The following PTPRD variants were observed in gnomAD, a reference collection of about 807,000 sequenced individuals.
PTPRD encodes receptor-type tyrosine-protein phosphatase delta.
Under a neutral mutation model 214.5 loss-of-function variants are expected in PTPRD, and 34 were observed. That is an observed-to-expected ratio of 0.16 (90% confidence interval 0.12 to 0.21). The LOEUF (loss-of-function observed/expected upper bound fraction) is 0.21. Ranked by LOEUF, PTPRD falls within the 10% of genes least tolerant of loss-of-function variation. PTPRD has a pLI of 1.00. For synonymous variants in PTPRD, 1,128 were observed against 845.7 expected, an observed-to-expected ratio of 1.33 and a Z score of -5.79; for missense variants, 2,545 against 2,398.7, an observed-to-expected ratio of 1.06 and a Z score of -1.27.
At chr9:8,321,825 G>A (rs929935030) in intron 44 of PTPRD, among the ~76,000 whole-genome samples, 4 of 151,746 alleles carry the variant, frequency 2.6e-5, no homozygotes, top group African/African-American at 4.8e-5. Flanking sequence ...CTGTTTTATT[G>A]TGCTATACTT....
At chr9:10,150,895 T>A (rs1233592825) in intron 3 of PTPRD, among the ~76,000 whole-genome samples, 1 of 151,988 alleles carries the variant, frequency 6.6e-6, no homozygotes, top group Non-Finnish European at 1.5e-5. Context: ...CCCCAAATTC[T>A]CTTAAAAATT....
chr9:8,610,374 A>T (rs2095404426), intron 14 of PTPRD, among the ~76,000 whole-genome samples: 1 of 152,198 alleles, frequency 6.6e-6, no homozygotes, highest in South Asian at 2.1e-4. Flanking sequence ...GAGGCACTGG[A>T]AAGCCTAGGG....
chr9:10,399,754 G>A (rs899697845), intron 2 of PTPRD, among the ~76,000 whole-genome samples: 1 of 151,840 alleles, frequency 6.6e-6, no homozygotes, highest in East Asian at 1.9e-4. Flanking sequence ...AGATATTCTA[G>A]GCAGTGAGAA....
chr9:8,984,440 T>A (rs944510422), intron 11 of PTPRD, among the ~76,000 whole-genome samples: 1 of 152,096 alleles, frequency 6.6e-6, no homozygotes, highest in African/African-American at 2.4e-5. Flanking sequence ...TATAAAAAAA[T>A]TTAAATTATT....
At chr9:10,063,326 A>C (rs111496741) in intron 3 of PTPRD, among the ~76,000 whole-genome samples, 1 of 152,088 alleles carries the variant, frequency 6.6e-6, no homozygotes, top group African/African-American at 2.4e-5. Context: ...TTTCTTAAGA[A>C]ATAAATGTCC....
rs141717614 is a variant in PTPRD at position 10,253,066 on chromosome 9, A to G, written c.-545+87897T>C. On this transcript the variant is annotated intron_variant, in intron 3 of 45. Transcript: ENST00000381196. ...CCCAAATGCTGGGATTAGAGGTATG[A>G]GCCACTGTGCCTGGCCACGTATTTT... 3.4e-3 allele frequency among the ~76,000 whole-genome samples: 511 copies of G among 152,264 alleles called. 3 individuals are homozygous for G. Among genetic ancestry groups the G allele is most frequent in the African/African-American group, 0.012 (491 of 41,558 alleles).
chr9:10,100,348 G>T (rs565773602), intron 3 of PTPRD, among the ~76,000 whole-genome samples: 117 of 151,734 alleles, frequency 7.7e-4, no homozygotes, highest in Middle Eastern at 3.4e-3. Context: ...TCCATCCCAA[G>T]TTCAAATGGG....
intron 32 of PTPRD, among the ~76,000 whole-genome samples, chr9:8,464,671 G>A (rs1029876863): frequency 6.6e-6 from 1 of 150,512 alleles, no homozygotes; most frequent in African/African-American, 2.4e-5. Context: ...CATGTGTACT[G>A]CCACTTCAAA....
At chr9:9,634,520 A>C (rs961422097) in intron 7 of PTPRD, among the ~76,000 whole-genome samples, 5 of 152,170 alleles carry the variant, frequency 3.3e-5, no homozygotes, top group African/African-American at 4.8e-5. Flanking sequence ...TGATTATTTA[A>C]AATTCACATA....
chr9:10,482,664 C>G (rs928535426), intron 2 of PTPRD, among the ~76,000 whole-genome samples: 2 of 152,156 alleles, frequency 1.3e-5, no homozygotes, highest in South Asian at 2.1e-4. Context: ...CTGTTATACA[C>G]CAACAATGAC....
intron 10 of PTPRD, among the ~76,000 whole-genome samples, chr9:9,173,356 G>A (rs1292573294): frequency 3.3e-5 from 5 of 152,168 alleles, no homozygotes; most frequent in African/African-American, 1.2e-4. Context: ...CTGTGTAGCT[G>A]GGTGTCTATT....
Position 9,016,198 on chromosome 9 carries a change from T to C in PTPRD, c.-104+2499A>G, listed in dbSNP as rs549907779. On this transcript the variant is annotated intron_variant, in intron 11 of 45. Transcript: ENST00000381196. ...ATTGCTTTTCCTCTCCCTCAAACAT[T>C]TGTCTTTTATATTAGATGTTTTCTC... is the stretch of plus-strand genomic sequence containing the variant. Among the ~76,000 whole-genome samples the C allele has an allele frequency of 3.3e-5, 5 of 152,214 alleles. No individual in the cohort carries two copies. In the South Asian group the frequency reaches 1.0e-3, roughly 32 times the overall value.
intron 11 of PTPRD, among the ~76,000 whole-genome samples, chr9:8,903,367 T>C (rs927003498): frequency 6.6e-6 from 1 of 152,164 alleles, no homozygotes; most frequent in Admixed American, 6.5e-5. Flanking sequence ...CCATGATTGG[T>C]AGAAAAAGTG....
At chr9:8,428,480 C>A (rs1360629577) in intron 35 of PTPRD, among the ~76,000 whole-genome samples, 1 of 152,090 alleles carries the variant, frequency 6.6e-6, no homozygotes. Flanking sequence ...AATCTTTTAT[C>A]TCTTGTGACT....
intron 13 of PTPRD, among the ~76,000 whole-genome samples, chr9:8,634,240 TAAAA>T (rs59879265): frequency 3.5e-5 from 5 of 144,386 alleles, no homozygotes; most frequent in Admixed American, 2.8e-4. Flanking sequence ...AAGTACCACT[TAAAA>T]AAAAAAAAGA....
At chr9:8,566,200 T>G (rs1453587469) in intron 14 of PTPRD, among the ~76,000 whole-genome samples, 2 of 151,508 alleles carry the variant, frequency 1.3e-5, no homozygotes, top group African/African-American at 4.8e-5. Flanking sequence ...TTTTTTAAGC[T>G]ACTGTTAGAA....
At chr9:9,872,511 G>A (rs2153716308) in intron 5 of PTPRD, among the ~76,000 whole-genome samples, 1 of 152,182 alleles carries the variant, frequency 6.6e-6, no homozygotes, top group East Asian at 1.9e-4. Context: ...TGAGGTGGGA[G>A]GATTGCTTGA....
intron 41 of PTPRD, 56 bp downstream of exon 41, chr9:8,341,034 C>T: frequency 6.8e-7 from 1 of 1,466,476 alleles, no homozygotes; most frequent in Non-Finnish European, 9.1e-7. Flanking sequence ...GGTTATTAAA[C>T]TAGGGCACAT....
At chr9:9,228,519 A>G (rs988253869) in intron 9 of PTPRD, among the ~76,000 whole-genome samples, 1 of 152,070 alleles carries the variant, frequency 6.6e-6, no homozygotes, top group Admixed American at 6.6e-5. Context: ...TCATATATAT[A>G]ATTAATCTAC....
Sources: allele counts gnomAD v4.1 joint callset (sites outside exome capture counted in the v4.1 genomes callset), GRCh38; gene constraint gnomAD v4.1.1; transcripts MANE v1.5; gene names NCBI Gene and HGNC (gene_info 2026-07-23, HGNC 2026-07-21).